The following COPS4 variants were observed in gnomAD, a reference collection of about 807,000 sequenced individuals.
COPS4 encodes COP9 signalosome complex subunit 4.
COPS4 carries 8 observed loss-of-function variants against 55.1 expected under a neutral mutation model. The observed-to-expected ratio is 0.15, with a 90% CI of 0.09 to 0.26. The LOEUF (loss-of-function observed/expected upper bound fraction) is 0.26. COPS4 is among the 10% of genes least tolerant of loss of function. COPS4 has a pLI of 1.00. For missense variants in COPS4, 248 were observed against 484.0 expected (o/e 0.51, Z 4.58); for synonymous variants, 185 against 165.7 (o/e 1.12, Z -0.90).
rs1212831518 is a variant in COPS4, at chr4:83,066,426, T to G, written c.887-12T>G. 2.2e-6 allele frequency: 3 copies of G among 1,394,026 alleles called. No individual in the cohort carries two copies. Among genetic ancestry groups the G allele is most frequent in the Non-Finnish European group, 3.0e-6 (3 of 1,014,626 alleles). 86.4% of individuals were successfully genotyped at this position (1,394,026 alleles called of 1,614,324 possible). ...TAGTTTCAAACTTGTAACTGTCTTATTTATGTTTAAGGTTCCAGCATCTTG... is the reference window on the plus strand; with the variant it reads ...TAGTTTCAAACTTGTAACTGTCTTAGTTATGTTTAAGGTTCCAGCATCTTG... On this transcript the variant is annotated splice_polypyrimidine_tract_variant and intron_variant, in intron 7 of 9. Transcript: ENST00000264389.
chr4:83,037,856 G>A (rs1730466994), intron 1 of COPS4, among the ~76,000 whole-genome samples: 1 of 152,246 alleles, frequency 6.6e-6, no homozygotes, highest in Non-Finnish European at 1.5e-5. Context: ...CTAGAAAGGG[G>A]CAGTGCTTGT....
At chr4:83,058,908 C>T (rs1578715059) in intron 6 of COPS4, among the ~76,000 whole-genome samples, 2 of 152,290 alleles carry the variant, frequency 1.3e-5, no homozygotes, top group Middle Eastern at 3.4e-3. Flanking sequence ...CTATTACACT[C>T]CAAACAAAAA....
intron 5 of COPS4, 79 bp downstream of exon 5, chr4:83,057,158 A>T: frequency 6.7e-7 from 1 of 1,497,636 alleles, no homozygotes; most frequent in Non-Finnish European, 9.1e-7. Flanking sequence ...CATCTGATAG[A>T]TGCTCTTAAA....
At chr4:83,038,703 G>A (rs924985851) in intron 1 of COPS4, among the ~76,000 whole-genome samples, 8 of 151,960 alleles carry the variant, frequency 5.3e-5, no homozygotes, top group Admixed American at 2.0e-4. Context: ...GTGCAGTGGC[G>A]CGATCTCGGC....
At chr4:83,071,434 T>C (rs942618029) in intron 9 of COPS4, among the ~76,000 whole-genome samples, 3 of 152,210 alleles carry the variant, frequency 2.0e-5, no homozygotes, top group East Asian at 3.8e-4. Context: ...GATTTTTTTT[T>C]CTTAAGAGAC....
intron 1 of COPS4, among the ~76,000 whole-genome samples, chr4:83,038,473 C>CA (rs534317508): frequency 5.6e-4 from 85 of 151,148 alleles, no homozygotes; most frequent in Middle Eastern, 6.8e-3. Context: ...CTTATTTTCA[C>CA]AAAAAAAAAT....
In COPS4 at chr4:83,057,284, T is replaced by C. The variant is rs1380319558; in HGVS notation, c.591T>C (p.Tyr197=). ...YKVCYARVLD[Y]RRKFIEAAQR... is the part of the protein sequence containing the mutation. ...TATGCTATGCACGTGTTCTTGATTATAGAAGAAAATTCATTGAAGCTGCAC... is the reference window on the plus strand; with the variant it reads ...TATGCTATGCACGTGTTCTTGATTACAGAAGAAAATTCATTGAAGCTGCAC... Residue 197 remains tyrosine (Y), a synonymous_variant, in exon 6 of 10, where the codon TAT becomes TAC. Coordinates refer to ENST00000264389, the MANE Select transcript of COPS4 (RefSeq NM_016129.3). 8 of 1,607,416 alleles carry C rather than the reference T, an allele frequency of 5.0e-6. No individual in the cohort carries two copies. Among genetic ancestry groups the C allele is most frequent in the Non-Finnish European group, 6.8e-6 (8 of 1,177,530 alleles).
chr4:83,061,120 A>C (rs976306026), intron 6 of COPS4, among the ~76,000 whole-genome samples: 1 of 151,042 alleles, frequency 6.6e-6, no homozygotes, highest in African/African-American at 2.4e-5. Flanking sequence ...TGCTCATTCT[A>C]TTCTTCTGCA....
intron 1 of COPS4, among the ~76,000 whole-genome samples, chr4:83,037,236 A>T (rs1056677303): frequency 6.6e-6 from 1 of 152,170 alleles, no homozygotes; most frequent in Non-Finnish European, 1.5e-5. Context: ...AAGACCTCTT[A>T]AGGATAGCCT....
At chr4:83,074,588 G>A (rs1429497646) in intron 9 of COPS4, among the ~76,000 whole-genome samples, 1 of 149,352 alleles carries the variant, frequency 6.7e-6, no homozygotes, top group Non-Finnish European at 1.5e-5. Flanking sequence ...TCAGCCTCCC[G>A]AGTAGCTGGT....
chr4:83,043,534 A>AAAC (rs1560434966), intron 1 of COPS4, among the ~76,000 whole-genome samples: 2 of 148,514 alleles, frequency 1.3e-5, no homozygotes, highest in Non-Finnish European at 3.0e-5. Flanking sequence ...AAAAAAAAAA[A>AAAC]AAAAAAAAAA....
At chr4:83,037,031 T>G (rs1288090321) in intron 1 of COPS4, among the ~76,000 whole-genome samples, 1 of 152,182 alleles carries the variant, frequency 6.6e-6, no homozygotes. Flanking sequence ...TTTCTCAGGA[T>G]TCTATGGGTT....
At chr4:83,072,231 C>T (rs182240173) in intron 9 of COPS4, among the ~76,000 whole-genome samples, 16 of 151,850 alleles carry the variant, frequency 1.1e-4, no homozygotes, top group Admixed American at 4.6e-4. Flanking sequence ...ACTACAGGCA[C>T]GCACCACCAC....
chr4:83,036,282 C>T (rs1163608339), intron 1 of COPS4, among the ~76,000 whole-genome samples: 1 of 150,102 alleles, frequency 6.7e-6, no homozygotes, highest in Non-Finnish European at 1.5e-5. Context: ...CGCCACCCGT[C>T]TCCGTAAATA....
chr4:83,037,723 A>G (rs1474511211), intron 1 of COPS4, among the ~76,000 whole-genome samples: 1 of 152,194 alleles, frequency 6.6e-6, no homozygotes, highest in Non-Finnish European at 1.5e-5. Flanking sequence ...CTGAGTAACA[A>G]AGGATTCCAT....
At chr4:83,071,673 C>T (rs1181397860) in intron 9 of COPS4, among the ~76,000 whole-genome samples, 1 of 151,962 alleles carries the variant, frequency 6.6e-6, no homozygotes, top group Non-Finnish European at 1.5e-5. Flanking sequence ...CCTGCCTCAG[C>T]CTTCCAAACT....
At chr4:83,072,076 T>C (rs1205927010) in intron 9 of COPS4, among the ~76,000 whole-genome samples, 2 of 151,162 alleles carry the variant, frequency 1.3e-5, no homozygotes, top group Non-Finnish European at 2.9e-5. Flanking sequence ...TTCTGTCAGG[T>C]TTTCTTTTTC....
chr4:83,070,874 A>G (rs1038083563), intron 9 of COPS4, among the ~76,000 whole-genome samples: 4 of 152,242 alleles, frequency 2.6e-5, no homozygotes, highest in African/African-American at 9.6e-5. Flanking sequence ...AAAGTTCTAC[A>G]AAGTCTCCCA....
chr4:83,063,079 A>C lies in COPS4; in HGVS notation c.719A>C (p.Gln240Pro). The C allele has an allele frequency of 6.4e-7, 1 of 1,551,932 alleles. No individual in the cohort carries two copies. The highest frequency in any genetic ancestry group is 8.6e-7 in the Non-Finnish European group (1 of 1,156,086). Residue 240 changes from glutamine (Q) to proline (P), a missense_variant, in exon 7 of 10, where the codon CAG (glutamine) becomes CCG (proline). Transcript: ENST00000264389. ...LHCTILASAG[Q>P]QRSRMLATLF... ...GATGCTCATTTATTTCTCTTAGGGC[A>C]GCAGCGTTCTCGGATGCTAGCTACT... is the stretch of plus-strand genomic sequence containing the variant.
Sources: gnomAD v4.1 joint callset for allele counts (sites outside exome capture counted in the v4.1 genomes callset) on GRCh38, gnomAD v4.1.1 for gene constraint, MANE v1.5 for transcripts, NCBI Gene and HGNC (gene_info 2026-07-23, HGNC 2026-07-21) for gene names.